Variants in SLF1 observed in about 807,000 individuals in gnomAD.
SLF1 encodes the protein SMC5/6 complex localization factor 1.
Under a neutral mutation model 123.0 loss-of-function variants are expected in SLF1, and 105 were observed. That is an observed-to-expected ratio of 0.85 (90% CI 0.73 to 1.00). SLF1 has a LOEUF of 1.00. Among genes scored for constraint, SLF1 ranks in the 50% least tolerant of loss-of-function variants. The probability of loss-of-function intolerance (pLI) is 0.00; values close to 1 mark genes in which losing one functional copy is unlikely to be tolerated. For missense variants in SLF1, 1,239 were observed against 1,223.0 expected (o/e 1.01, Z -0.20); for synonymous variants, 434 against 406.6 (o/e 1.07, Z -0.81).
At chr5:94,670,656 A>G (rs1750334592) in intron 13 of SLF1, among the ~76,000 whole-genome samples, 187 bp from the exon 14 acceptor site, 1 of 151,818 alleles carries the variant, frequency 6.6e-6, no homozygotes, top group South Asian at 2.1e-4. Flanking sequence ...GTATATATAC[A>G]TTGTCAGTGA....
chr5:94,654,460 C>CT (rs1377317531), intron 8 of SLF1, among the ~76,000 whole-genome samples, 170 bp from the exon 9 acceptor site: 3 of 149,428 alleles, frequency 2.0e-5, no homozygotes, highest in African/African-American at 7.4e-5. Flanking sequence ...GAAATGTTTG[C>CT]TTTTTGAGCT....
At chr5:94,620,821 A>C (rs1348544150) in intron 1 of SLF1, among the ~76,000 whole-genome samples, 1 of 152,318 alleles carries the variant, frequency 6.6e-6, no homozygotes, top group South Asian at 2.1e-4. Context: ...ATAACCCTGG[A>C]ACTTTTAAGT....
At chr5:94,645,562 T>C (rs1407907030) in intron 5 of SLF1, among the ~76,000 whole-genome samples, 1 of 152,232 alleles carries the variant, frequency 6.6e-6, no homozygotes, top group African/African-American at 2.4e-5. Context: ...AGTAAAGGTA[T>C]ATTAATTTTC....
At chr5:94,652,846 G>A (rs1020385410) in intron 7 of SLF1, among the ~76,000 whole-genome samples, 1 of 151,884 alleles carries the variant, frequency 6.6e-6, no homozygotes, top group Non-Finnish European at 1.5e-5. Context: ...TCTGTTGTAC[G>A]TACTTCTTTA....
chr5:94,641,835 T>C (rs1027484282), intron 4 of SLF1, among the ~76,000 whole-genome samples: 1 of 152,226 alleles, frequency 6.6e-6, no homozygotes, highest in African/African-American at 2.4e-5. Context: ...CCATGGCAGC[T>C]AAATTCTGCC....
intron 14 of SLF1, among the ~76,000 whole-genome samples, chr5:94,673,646 C>T (rs1410503493): frequency 2.1e-5 from 3 of 146,338 alleles, no homozygotes; most frequent in South Asian, 2.1e-4. Flanking sequence ...GCTATGATTG[C>T]GCCGCAGCAT....
In SLF1 at chr5:94,694,951, T is replaced by G. The variant is rs768212862; in HGVS notation, c.2816T>G (p.Phe939Cys). 6.8e-6 allele frequency: 11 copies of G among 1,612,580 alleles called. No individual in the cohort carries two copies. The East Asian group carries it at 2.5e-4, about 36-fold the overall frequency. ...AAAATAGAAGATACAGTGGAGAACT[T>G]TCATGCACAAGCAGAGAAACATTTT... is the stretch of plus-strand genomic sequence containing the variant. Reference protein sequence around the residue: ...ITKIEDTVENFHAQAEKHFHY... With the variant: ...ITKIEDTVENCHAQAEKHFHY... The change falls in exon 21 of 21, where the codon TTT (phenylalanine) becomes TGT (cysteine). Residue 939 changes from phenylalanine (F) to cysteine (C), a missense_variant. By Grantham distance (205) the Phe-to-Cys change is radical. Transcript: ENST00000265140.
chr5:94,630,078 A>G (rs548679369), intron 3 of SLF1, among the ~76,000 whole-genome samples: 1 of 152,362 alleles, frequency 6.6e-6, no homozygotes, highest in South Asian at 2.1e-4. Context: ...ATATTGGAAA[A>G]GCTGTTAGCA....
chr5:94,643,845 TG>T (rs890966640), intron 5 of SLF1, among the ~76,000 whole-genome samples: 3 of 152,088 alleles, frequency 2.0e-5, no homozygotes, highest in African/African-American at 7.2e-5. Context: ...GTTGTTTGAA[TG>T]GGCATCAAAC....
chr5:94,691,870 C>T (rs1176829610), intron 19 of SLF1, among the ~76,000 whole-genome samples: 1 of 151,706 alleles, frequency 6.6e-6, no homozygotes, highest in African/African-American at 2.4e-5. Context: ...TTTGATAATA[C>T]CCAACATTAA....
chr5:94,687,910 GATTTA>G (rs1426800283), intron 16 of SLF1, among the ~76,000 whole-genome samples: 6 of 151,362 alleles, frequency 4.0e-5, no homozygotes, highest in African/African-American at 1.5e-4. Flanking sequence ...AGCTACATTT[GATTTA>G]AAGTTTTCCA....
In SLF1 at chr5:94,662,396, T is replaced by A. The variant is rs1301764233; in HGVS notation, c.1209+45T>A. ...ATTGGTGATGGGGGCAAAGAAGAAG[T>A]TTTGTGTTTTGTTATTAGTTATTTT... On this transcript the variant is annotated intron_variant, in intron 10 of 20. Coordinates refer to ENST00000265140, the MANE Select transcript of SLF1 (RefSeq NM_032290.4). 2.1e-6 allele frequency: 3 copies of A among 1,450,584 alleles called. No individual in the cohort carries two copies. In the Admixed American group the frequency reaches 7.1e-5, roughly 34 times the overall value. The allele number at this position is 1,450,584 out of a possible 1,614,324, so 89.9% of individuals were successfully genotyped here.
At chr5:94,663,624 A>G in intron 10 of SLF1, 126 bp from the exon 11 acceptor site, 1 of 863,862 alleles carries the variant, frequency 1.2e-6, no homozygotes, top group Non-Finnish European at 1.7e-6. Flanking sequence ...CAGCCTGGGT[A>G]ACAGAGTGAG....
chr5:94,630,899 T>C (rs1218272191), intron 4 of SLF1, among the ~76,000 whole-genome samples, 156 bp downstream of exon 4: 3 of 152,244 alleles, frequency 2.0e-5, no homozygotes, highest in African/African-American at 4.8e-5. Flanking sequence ...TTTAGACTTA[T>C]GTGTCTTTAA....
intron 4 of SLF1, among the ~76,000 whole-genome samples, chr5:94,636,077 T>C (rs1401821289): frequency 6.6e-6 from 1 of 152,138 alleles, no homozygotes; most frequent in Non-Finnish European, 1.5e-5. Context: ...TATTGGCAGT[T>C]TTTTTCCTTT....
chr5:94,679,263 C>T (rs887705958), intron 15 of SLF1, among the ~76,000 whole-genome samples: 6 of 152,136 alleles, frequency 3.9e-5, no homozygotes, highest in African/African-American at 1.4e-4. Context: ...CTAAACATTA[C>T]AGGAGACTTC....
At chr5:94,661,682 G>A (rs1024398210) in intron 9 of SLF1, among the ~76,000 whole-genome samples, 3 of 151,908 alleles carry the variant, frequency 2.0e-5, no homozygotes, top group East Asian at 1.9e-4. Flanking sequence ...GATTATAGGC[G>A]CCTGCCACCA....
At chr5:94,637,157 T>C (rs1007815611) in intron 4 of SLF1, among the ~76,000 whole-genome samples, 2 of 152,204 alleles carry the variant, frequency 1.3e-5, no homozygotes, top group Admixed American at 6.5e-5. Flanking sequence ...AGTTTTTGCA[T>C]TGGTCTCCTC....
In SLF1 at chr5:94,627,619, T is replaced by TATAC. The variant is rs1261627669; in HGVS notation, c.1-1191_1-1190insTACA. Among the ~76,000 whole-genome samples the TATAC allele has an allele frequency of 4.5e-4, 61 of 136,968 alleles. 2 individuals are homozygous for TATAC. The highest frequency in any genetic ancestry group is 1.6e-3 in the African/African-American group (57 of 36,578). 89.9% of individuals were successfully genotyped at this position (136,968 alleles called of 152,430 possible). On this transcript the variant is annotated intron_variant, in intron 1 of 20. Coordinates refer to ENST00000265140, the MANE Select transcript of SLF1 (RefSeq NM_032290.4). ...ATATATATATATATATATATATATA[T>TATAC]AGCAAAGTTAAGAAATATGGATTGC...
Sources: allele counts gnomAD v4.1 joint callset (sites outside exome capture counted in the v4.1 genomes callset), GRCh38; gene constraint gnomAD v4.1.1; transcripts MANE v1.5; gene names NCBI Gene and HGNC (gene_info 2026-07-23, HGNC 2026-07-21).